The following KMT2B variants were observed in gnomAD, a reference collection of about 807,000 sequenced individuals.
The protein encoded by KMT2B is histone-lysine N-methyltransferase 2B.
Under a neutral mutation model 255.3 loss-of-function variants are expected in KMT2B, and 22 were observed. That is an observed-to-expected ratio of 0.09 (90% CI 0.06 to 0.12). The LOEUF is 0.12. Among genes scored for constraint, KMT2B ranks in the 10% least tolerant of loss-of-function variants. KMT2B has a pLI of 1.00. For synonymous variants in KMT2B, 1,730 were observed against 1,498.1 expected (o/e 1.15, Z -3.57); for missense variants, 3,149 against 3,737.0 (o/e 0.84, Z 4.10).
rs1394188072 is a variant in KMT2B at position 35,721,072 on chromosome 19, G to A, written c.1725G>A (p.Gln575=). Residue 575 remains glutamine (Q), a synonymous_variant, in exon 3 of 37, where the codon CAG becomes CAA. Transcript: ENST00000420124. The part of the protein sequence containing the change: ...PPITTSPPVP[Q]EPAPVPSPPR... ...TTACCACCTCCCCACCTGTTCCCCA[G>A]GAGCCAGCACCAGTCCCCTCTCCAC... The A allele has an allele frequency of 3.7e-6, 6 of 1,603,620 alleles. No homozygotes were observed. Among genetic ancestry groups the A allele is most frequent in the South Asian group, 1.1e-5 (1 of 90,236 alleles).
Position 35,737,036 on chromosome 19 carries a change from G to C in KMT2B, c.7372+50G>C. The C allele has an allele frequency of 6.2e-7, 1 of 1,610,080 alleles. No homozygotes were observed. The highest frequency in any genetic ancestry group is 8.5e-7 in the Non-Finnish European group (1 of 1,177,964). Reference sequence around the variant, plus strand: ...CAGGGAGCTGGATGTCTCCCCGAGGGCACCATGGGCCCTCCACATGACAGG... The same window carrying C: ...CAGGGAGCTGGATGTCTCCCCGAGGCCACCATGGGCCCTCCACATGACAGG... On this transcript the variant is annotated intron_variant, in intron 32 of 36. Coordinates refer to ENST00000420124, the MANE Select transcript of KMT2B (RefSeq NM_014727.3). The surrounding 1 kb of genome is among the most constrained non-coding windows in gnomAD (Gnocchi z 5.3).
rs1430971416 is a variant in KMT2B at position 35,733,883 on chromosome 19, G to GCCTTGCCCTCTCCCT, written c.7159+19_7159+33dup. 3 of 1,590,220 alleles carry GCCTTGCCCTCTCCCT rather than the reference G, an allele frequency of 1.9e-6. No homozygotes were observed. Among genetic ancestry groups the GCCTTGCCCTCTCCCT allele is most frequent in the African/African-American group, 1.3e-5 (1 of 74,158 alleles). ...GGCACCACTATTCAGGTAGGGACCG[G>GCCTTGCCCTCTCCCT]CCTTGCCCTCTCCCTCCTTGCCTGT... On this transcript the variant is annotated intron_variant, in intron 30 of 36. Transcript: ENST00000420124. The surrounding 1 kb of genome is among the most constrained non-coding windows in gnomAD (Gnocchi z 4.3).
rs1004846745 is a variant in KMT2B at position 35,730,857 on chromosome 19, C to T, written c.5427C>T (p.Ala1809=). The change falls in exon 26 of 37, where the codon GCC becomes GCT. Residue 1809 remains alanine, a synonymous_variant. Transcript: ENST00000420124. ...EENQTIVHSP[A]PSSEPPGGED... The stretch of plus-strand genomic sequence containing the variant: ...ACCAGACCATTGTGCACAGCCCCGC[C>T]CCTTCCTCAGGTGTGGCTTTGGCTC... The T allele has an allele frequency of 6.2e-7, 1 of 1,606,328 alleles. No homozygotes were observed. Among genetic ancestry groups the T allele is most frequent in the African/African-American group, 1.3e-5 (1 of 74,804 alleles).
chr19:35,722,913 C>T, intron 5 of KMT2B, 82 bp from the exon 6 acceptor site: 1 of 1,453,862 alleles, frequency 6.9e-7, no homozygotes, highest in Middle Eastern at 2.5e-4. Flanking sequence ...AAGCGAGAGC[C>T]AGGTTGTGGG....
At chr19:35,736,586 G>A (rs917208413) in intron 30 of KMT2B, 104 bp from the exon 31 acceptor site, 7 of 1,359,762 alleles carry the variant, frequency 5.1e-6, no homozygotes, top group South Asian at 2.6e-5. Context: ...CTGTGTCTGC[G>A]CCTAGGGGTG....
In KMT2B at chr19:35,733,765, C is replaced by T. The variant is rs751116452; in HGVS notation, c.7052C>T (p.Pro2351Leu). Residue 2351 changes from proline (P) to leucine (L), a missense_variant and splice_region_variant, in exon 30 of 37, where the codon CCC (proline) becomes CTC (leucine). Around this residue, in one of 18 missense-constraint regions of KMT2B, gnomAD observed 897 missense variants for 825.3 expected, o/e 1.09. Coordinates refer to ENST00000420124, the MANE Select transcript of KMT2B (RefSeq NM_014727.3). This position sits in a 1 kb window ranked among gnomAD's most constrained non-coding sequence, Gnocchi z 4.3. ...GEPAGEESPG[P>L]LQERSPLLPL... The stretch of plus-strand genomic sequence containing the variant: ...TCCTGACAGGTCTCTTCTCGCAGGC[C>T]CCTCCAGGAACGGTCCCCTTTGCTG... The T allele has an allele frequency of 1.3e-5, 21 of 1,613,096 alleles. No individual in the cohort carries two copies. Among genetic ancestry groups the T allele is most frequent in the South Asian group, 6.6e-5 (6 of 90,990 alleles).
rs748078639 is a variant in KMT2B, at chr19:35,723,937, C to A, written c.3264C>A (p.Ile1088=). The change falls in exon 8 of 37, where the codon ATC becomes ATA. Residue 1088 remains isoleucine (I), a synonymous_variant. Transcript: ENST00000420124. This position sits in a 1 kb window ranked among gnomAD's most constrained non-coding sequence, Gnocchi z 7.5. The part of the protein sequence containing the change: ...RCVKQRPSYD[I]FEDSDDSEPG... ...TCAAACAGCGACCCTCCTATGATAT[C>A]TTCGAGGATTCGGATGACTCGGAGC... 2 of 1,612,112 alleles carry A rather than the reference C, an allele frequency of 1.2e-6. No individual in the cohort carries two copies. Among genetic ancestry groups the A allele is most frequent in the Non-Finnish European group, 8.5e-7 (1 of 1,179,458 alleles).
At chr19:35,724,824 A>G in intron 9 of KMT2B, 93 bp downstream of exon 9, 10 of 1,231,214 alleles carry the variant, frequency 8.1e-6, no homozygotes, top group Non-Finnish European at 1.0e-5. Context: ...GTGTGTCCAC[A>G]TGAGAGGACA....
chr19:35,730,632 GA>G lies in KMT2B; in HGVS notation c.5276+17del, dbSNP rs759907163. 1.2e-6 allele frequency: 2 copies of G among 1,613,916 alleles called. No individual in the cohort carries two copies. Among genetic ancestry groups the G allele is most frequent in the South Asian group, 2.2e-5 (2 of 91,086 alleles). On this transcript the variant is annotated intron_variant, in intron 25 of 36. Coordinates refer to ENST00000420124, the MANE Select transcript of KMT2B (RefSeq NM_014727.3). ...TTGGCTACCAGTGAGCGGTCGGGGTGATCCATGGGGCCAGGGGACTCCATAG... is the reference window on the plus strand; with the variant it reads ...TTGGCTACCAGTGAGCGGTCGGGGTGTCCATGGGGCCAGGGGACTCCATAG...
chr19:35,722,019 T>TA (rs929909988), intron 3 of KMT2B, among the ~76,000 whole-genome samples: 5 of 123,784 alleles, frequency 4.0e-5, no homozygotes, highest in Admixed American at 2.3e-4. Flanking sequence ...TTTTTTTTTT[T>TA]ATTTTTGAGA....
rs1349444365 is a variant in KMT2B, at chr19:35,726,233, C to T, written c.3886-3C>T. On this transcript the variant is annotated splice_region_variant and splice_polypyrimidine_tract_variant and intron_variant, in intron 13 of 36. Transcript: ENST00000420124. ...TTCCCCTAACATCGCCCTGCTCCCC[C>T]AGATCTGTTCAGCCTGTGTGCGCTG... is the stretch of plus-strand genomic sequence containing the variant. The T allele has an allele frequency of 5.0e-6, 8 of 1,611,620 alleles. No homozygotes were observed. In the Admixed American group the frequency reaches 6.7e-5, roughly 13 times the overall value.
Position 35,723,663 on chromosome 19 carries a change from C to G in KMT2B, c.3059-69C>G. ...CGTTCATTCCCTGCCCCGCTTCTTTCTGGCTTCTCTCCCAGTGTCCCATGT... is the reference window on the plus strand; with the variant it reads ...CGTTCATTCCCTGCCCCGCTTCTTTGTGGCTTCTCTCCCAGTGTCCCATGT... On this transcript the variant is annotated intron_variant, in intron 7 of 36. Coordinates refer to ENST00000420124, the MANE Select transcript of KMT2B (RefSeq NM_014727.3). The surrounding 1 kb of genome is among the most constrained non-coding windows in gnomAD (Gnocchi z 7.5). 1 of 1,407,422 alleles carries G rather than the reference C, an allele frequency of 7.1e-7. No individual in the cohort carries two copies. The highest frequency in any genetic ancestry group is 9.6e-7 in the Non-Finnish European group (1 of 1,042,124). 87.2% of individuals were successfully genotyped at this position (1,407,422 alleles called of 1,614,324 possible).
chr19:35,719,367 T>C, intron 1 of KMT2B, 102 bp from the exon 2 acceptor site: 1 of 792,444 alleles, frequency 1.3e-6, no homozygotes, highest in Non-Finnish European at 2.1e-6. Flanking sequence ...TAGGCAGGGG[T>C]ATGCTAAGTG....
chr19:35,733,895 C>G lies in KMT2B; in HGVS notation c.7159+23C>G, dbSNP rs1196675206. ...CAGGTAGGGACCGGCCTTGCCCTCT[C>G]CCTCCTTGCCTGTGCCTGGCTCAGC... On this transcript the variant is annotated intron_variant, in intron 30 of 36. Coordinates refer to ENST00000420124, the MANE Select transcript of KMT2B (RefSeq NM_014727.3). The surrounding 1 kb of genome is among the most constrained non-coding windows in gnomAD (Gnocchi z 4.3). 1 of 1,543,938 alleles carries G rather than the reference C, an allele frequency of 6.5e-7. No homozygotes were observed. The highest frequency in any genetic ancestry group is 1.1e-5 in the South Asian group (1 of 87,882).
intron 3 of KMT2B, among the ~76,000 whole-genome samples, chr19:35,722,146 A>G (rs1337646800): frequency 6.6e-6 from 1 of 152,040 alleles, no homozygotes; most frequent in Non-Finnish European, 1.5e-5. Flanking sequence ...CTGGGACTAC[A>G]GGTGCCCATC....
Position 35,733,025 on chromosome 19 carries a change from C to A in KMT2B, c.6476C>A (p.Pro2159His). 6.3e-7 allele frequency: 1 copy of A among 1,592,574 alleles called. No individual in the cohort carries two copies. The highest frequency in any genetic ancestry group is 8.5e-7 in the Non-Finnish European group (1 of 1,169,850). The change falls in exon 28 of 37, where the codon CCC becomes CAC. Residue 2159 changes from proline (P) to histidine (H), a missense_variant. Transcript: ENST00000420124. This position sits in a 1 kb window ranked among gnomAD's most constrained non-coding sequence, Gnocchi z 4.3. ...GGCCTGACCGCCAGCCCAGCTGACC[C>A]CACCCGCACATTTGCCTGGCTCCCA... is the stretch of plus-strand genomic sequence containing the variant. The part of the protein sequence containing the change: ...SQGLTASPAD[P>H]TRTFAWLPGA...
rs867432277 is a variant in KMT2B at position 35,720,107 on chromosome 19, C to T, written c.760C>T (p.Pro254Ser). Residue 254 changes from proline to serine, a missense_variant, in exon 3 of 37, where the codon CCT becomes TCT. Coordinates refer to ENST00000420124, the MANE Select transcript of KMT2B (RefSeq NM_014727.3). ...GACAATCCCCAAACCTGAGCCCCCA[C>T]CTCCTGTGGTTCCAGTGAAACATCA... is the stretch of plus-strand genomic sequence containing the variant. ...AVTIPKPEPP[P>S]PVVPVKHQTG... is the part of the protein sequence containing the mutation. 5.6e-6 allele frequency: 9 copies of T among 1,599,968 alleles called. No individual in the cohort carries two copies. The highest frequency in any genetic ancestry group is 7.7e-6 in the Non-Finnish European group (9 of 1,173,362).
rs745636949 is a variant in KMT2B, at chr19:35,731,909, G to T, written c.5439G>T (p.Glu1813Asp). 7 of 1,612,102 alleles carry T rather than the reference G, an allele frequency of 4.3e-6. No homozygotes were observed. In the South Asian group the frequency reaches 7.7e-5, roughly 18 times the overall value. ...CAATGCCATTTCTCGCCTCTTCAGAGCCCCCAGGTGGTGAGGACCCCCCAC... is the reference window on the plus strand; with the variant it reads ...CAATGCCATTTCTCGCCTCTTCAGATCCCCCAGGTGGTGAGGACCCCCCAC... ...TIVHSPAPSSEPPGGEDPPLD... is the reference protein window; with the variant it reads ...TIVHSPAPSSDPPGGEDPPLD... The change falls in exon 27 of 37, where the codon GAG becomes GAT. Residue 1813 changes from glutamate (E) to aspartate (D), a missense_variant and splice_region_variant. By Grantham distance (45) the Glu-to-Asp change is conservative. Around this residue, in one of 18 missense-constraint regions of KMT2B, gnomAD observed 897 missense variants for 825.3 expected, o/e 1.09. Transcript: ENST00000420124.
Position 35,718,332 on chromosome 19 carries a change from G to C in KMT2B, c.314G>C (p.Arg105Pro), listed in dbSNP as rs767417273. The change falls in exon 1 of 37, where the codon CGA becomes CCA. Residue 105 changes from arginine (R) to proline (P), a missense_variant. Arg to Pro is a moderately radical substitution (Grantham distance 103). Around this residue, in one of 18 missense-constraint regions of KMT2B, gnomAD observed 1,188 missense variants for 1,106.4 expected, o/e 1.07. Coordinates refer to ENST00000420124, the MANE Select transcript of KMT2B (RefSeq NM_014727.3). The surrounding 1 kb of genome is among the most constrained non-coding windows in gnomAD (Gnocchi z 5.0). ...RGRGRGWGPS[R>P]GCVPEEESSD... ...CGGGGCCGGGGCTGGGGCCCGAGTC[G>C]AGGCTGCGTGCCGGAGGAGGAGAGC... 8.0e-7 allele frequency: 1 copy of C among 1,254,972 alleles called. No individual in the cohort carries two copies. Among genetic ancestry groups the C allele is most frequent in the Admixed American group, 4.0e-5 (1 of 25,174 alleles). 77.7% of individuals were successfully genotyped at this position (1,254,972 alleles called of 1,614,324 possible).
Sources: gnomAD v4.1 joint callset for allele counts (sites outside exome capture counted in the v4.1 genomes callset) on GRCh38, gnomAD v4.1.1 for gene constraint, gnomAD v4.1.1 regional missense constraint, Gnocchi (gnomAD v3.1) non-coding constraint, MANE v1.5 for transcripts, NCBI Gene and HGNC (gene_info 2026-07-23, HGNC 2026-07-21) for gene names.